Variants in CIPC observed in about 807,000 individuals in gnomAD.
The protein encoded by CIPC is CLOCK-interacting pacemaker.
A neutral mutation model predicts 26.7 loss-of-function variants in CIPC; 12 were observed. The observed-to-expected ratio is 0.45, with a 90% CI of 0.29 to 0.73. The LOEUF is 0.73. Among genes scored for constraint, CIPC ranks in the 30% least tolerant of loss-of-function variants. The probability of loss-of-function intolerance (pLI) is 0.12; values close to 1 mark genes in which losing one functional copy is unlikely to be tolerated. For missense variants in CIPC, 417 were observed against 486.5 expected, an observed-to-expected ratio of 0.86 and a Z score of 1.34; for synonymous variants, 170 against 189.8, an observed-to-expected ratio of 0.90 and a Z score of 0.86.
At position 77,113,631 on chromosome 14, in the gene CIPC, C is replaced by A; in HGVS notation, c.513C>A (p.Gly171=). ...TAGCCCCACATCCAGGCAAAAGGGGCCTTTCCCTTGGCCCAGAAGAAAAAG... is the reference window on the plus strand; with the variant it reads ...TAGCCCCACATCCAGGCAAAAGGGGACTTTCCCTTGGCCCAGAAGAAAAAG... The part of the protein sequence containing the change: ...TKIAPHPGKR[G]LSLGPEEKGT... Residue 171 remains glycine (G), a synonymous_variant, in exon 4 of 4, where the codon GGC becomes GGA. Transcript: ENST00000361786. 1 of 1,614,208 alleles carries A rather than the reference C, an allele frequency of 6.2e-7. No homozygotes were observed.
intron 2 of CIPC, among the ~76,000 whole-genome samples, chr14:77,107,765 T>C (rs988382472): frequency 6.6e-6 from 1 of 152,220 alleles, no homozygotes; most frequent in African/African-American, 2.4e-5. Context: ...TATGTAGTTA[T>C]AATATCATTA....
At chr14:77,099,864 C>A (rs547866401) in intron 1 of CIPC, 75 of 152,230 alleles carry the variant, frequency 4.9e-4, no homozygotes, top group African/African-American at 1.8e-3. Flanking sequence ...AGGGGTAGAT[C>A]AAATATCTGT....
chr14:77,100,240 C>CTTTTT lies in CIPC; in HGVS notation c.-53+1894_-53+1898dup, dbSNP rs57785837. 2.5e-3 allele frequency among the ~76,000 whole-genome samples: 320 copies of CTTTTT among 130,474 alleles called. 3 individuals are homozygous for CTTTTT. Among genetic ancestry groups the CTTTTT allele is most frequent in the East Asian group, 3.1e-3 (14 of 4,562 alleles). The allele number at this position is 130,474 out of a possible 152,430, so 85.6% of individuals were successfully genotyped here. A position where few individuals can be genotyped will look rare whatever the true frequency, so the allele number is the denominator to read the frequency against. On this transcript the variant is annotated intron_variant, in intron 1 of 3. Transcript: ENST00000361786. ...ATTTATTGATTCACTTTCTTTCTTTCTTTTTTTTTTTTTTTTTTTGAGACG... is the reference window on the plus strand; with the variant it reads ...ATTTATTGATTCACTTTCTTTCTTTCTTTTTTTTTTTTTTTTTTTTTTTTGAGACG...
chr14:77,104,147 G>T (rs568359854), intron 1 of CIPC, among the ~76,000 whole-genome samples: 2 of 152,270 alleles, frequency 1.3e-5, no homozygotes, highest in African/African-American at 4.8e-5. Flanking sequence ...AAGGCCCAGA[G>T]CCAAGCCCGT....
At chr14:77,100,240 C>CCT (rs1566803271) in intron 1 of CIPC, among the ~76,000 whole-genome samples, 1 of 130,522 alleles carries the variant, frequency 7.7e-6, no homozygotes, top group Non-Finnish European at 1.6e-5. Context: ...TTCTTTCTTT[C>CCT]TTTTTTTTTT....
In CIPC at chr14:77,113,668, G is replaced by A; in HGVS notation, c.550G>A (p.Val184Met). ...LGPEEKGTSG[V>M]QKKICTERLG... ...CCCAGAAGAAAAAGGAACAAGTGGAGTGCAGAAGAAAATCTGTACTGAGAG... is the reference window on the plus strand; with the variant it reads ...CCCAGAAGAAAAAGGAACAAGTGGAATGCAGAAGAAAATCTGTACTGAGAG... The change falls in exon 4 of 4, where the codon GTG becomes ATG. Residue 184 changes from valine to methionine, a missense_variant. Physicochemically the swap from Val to Met is conservative, Grantham distance 21 (BLOSUM62 1). Coordinates refer to ENST00000361786, the MANE Select transcript of CIPC (RefSeq NM_033426.3). 2 of 1,613,732 alleles carry A rather than the reference G, an allele frequency of 1.2e-6. No individual in the cohort carries two copies. The highest frequency in any genetic ancestry group is 1.7e-6 in the Non-Finnish European group (2 of 1,179,868).
At chr14:77,112,163 C>A (rs999517225) in intron 3 of CIPC, among the ~76,000 whole-genome samples, 3 of 152,280 alleles carry the variant, frequency 2.0e-5, no homozygotes, top group South Asian at 4.1e-4. Context: ...AATCAAATGA[C>A]CCCACCTGAC....
Position 77,114,519 on chromosome 14 carries a change from C to T in CIPC, c.*201C>T. 1.8e-6 allele frequency: 1 copy of T among 567,190 alleles called. No individual in the cohort carries two copies. The allele number at this position is 567,190 out of a possible 1,614,324, so 35.1% of individuals were successfully genotyped here. On this transcript the variant is annotated 3_prime_UTR_variant, in exon 4 of 4. Coordinates refer to ENST00000361786, the MANE Select transcript of CIPC (RefSeq NM_033426.3). ...ACAGGATACATATGTCCCCGTCCCA[C>T]TGAGGACCTCAGTTTGGGAGTGCCC...
At position 77,105,699 on chromosome 14, in the gene CIPC, T is replaced by G. The variant is rs759899870; in HGVS notation, c.-10T>G. The G allele has an allele frequency of 4.3e-6, 7 of 1,612,150 alleles. No individual in the cohort carries two copies. The highest frequency in any genetic ancestry group is 4.0e-5 in the African/African-American group (3 of 74,748). Reference sequence around the variant, plus strand: ...GAGTACCAATGAATCTGCCTCCAGCTGAATAAACCATGGAGAGGAAAAACC... The same window carrying G: ...GAGTACCAATGAATCTGCCTCCAGCGGAATAAACCATGGAGAGGAAAAACC... On this transcript the variant is annotated 5_prime_UTR_variant, in exon 2 of 4. Coordinates refer to ENST00000361786, the MANE Select transcript of CIPC (RefSeq NM_033426.3).
intron 2 of CIPC, among the ~76,000 whole-genome samples, chr14:77,106,420 A>G (rs1215344025): frequency 6.6e-6 from 1 of 152,214 alleles, no homozygotes; most frequent in African/African-American, 2.4e-5. Context: ...AAAATAGAAC[A>G]GTTTTCCTTA....
intron 3 of CIPC, among the ~76,000 whole-genome samples, chr14:77,112,084 CTGAAA>C (rs1197236147): frequency 4.6e-5 from 7 of 152,186 alleles, no homozygotes; most frequent in Non-Finnish European, 8.8e-5. Flanking sequence ...ATCCAAGAAA[CTGAAA>C]TGTGTGCAAA....
intron 2 of CIPC, among the ~76,000 whole-genome samples, chr14:77,107,552 A>C (rs1028409861): frequency 6.6e-6 from 1 of 152,088 alleles, no homozygotes; most frequent in African/African-American, 2.4e-5. Context: ...AAAAATTTCA[A>C]ATCTATACAA....
At position 77,114,330 on chromosome 14, in the gene CIPC, A is replaced by G. The variant is rs372688632; in HGVS notation, c.*12A>G. 4.3e-5 allele frequency: 68 copies of G among 1,575,830 alleles called. No individual in the cohort carries two copies. Among genetic ancestry groups the G allele is most frequent in the Non-Finnish European group, 5.6e-5 (65 of 1,163,480 alleles). On this transcript the variant is annotated 3_prime_UTR_variant, in exon 4 of 4. Transcript: ENST00000361786. The stretch of plus-strand genomic sequence containing the variant: ...ACCCAGCCATATAGCACAGAGGCAT[A>G]TTTTCCTGTTACTTGAGTGGTTCTT...
At chr14:77,100,937 C>T (rs150452013) in intron 1 of CIPC, among the ~76,000 whole-genome samples, 21 of 152,280 alleles carry the variant, frequency 1.4e-4, no homozygotes, top group Middle Eastern at 3.4e-3. Context: ...CAATGTGTTA[C>T]ATATACATGC....
intron 3 of CIPC, 152 bp from the exon 4 acceptor site, chr14:77,113,272 AC>A (rs767386806): frequency 2.9e-5 from 23 of 794,420 alleles, no homozygotes; most frequent in Non-Finnish European, 4.5e-5. Context: ...GATATCAGAC[AC>A]AAATAGATGT....
chr14:77,114,363 A>C lies in CIPC; in HGVS notation c.*45A>C. ...GTTACTTGAGTGGTTCTTTTAGCTC[A>C]TTTGCTGTTACCTACTCCTGTTTCC... On this transcript the variant is annotated 3_prime_UTR_variant, in exon 4 of 4. Transcript: ENST00000361786. 1.9e-5 allele frequency: 29 copies of C among 1,521,616 alleles called. No homozygotes were observed. Among genetic ancestry groups the C allele is most frequent in the Non-Finnish European group, 2.4e-5 (27 of 1,131,262 alleles). 94.3% of individuals were successfully genotyped at this position (1,521,616 alleles called of 1,614,324 possible).
intron 1 of CIPC, among the ~76,000 whole-genome samples, chr14:77,101,941 C>T (rs943691085): frequency 2.6e-5 from 4 of 152,034 alleles, no homozygotes. Flanking sequence ...TAAAAATTAG[C>T]TGGGTGTGGT....
intron 2 of CIPC, 85 bp downstream of exon 2, chr14:77,105,929 A>C: frequency 6.7e-7 from 1 of 1,501,542 alleles, no homozygotes; most frequent in South Asian, 1.2e-5. Context: ...TTATGTGATA[A>C]GGATGGGATG....
At chr14:77,113,370 C>T in intron 3 of CIPC, 55 bp from the exon 4 acceptor site, 2 of 1,596,026 alleles carry the variant, frequency 1.3e-6, no homozygotes, top group Non-Finnish European at 1.7e-6. Context: ...AAGCTTCACT[C>T]CTCTATCCTT....
Sources: allele counts gnomAD v4.1 joint callset (sites outside exome capture counted in the v4.1 genomes callset), GRCh38; gene constraint gnomAD v4.1.1; transcripts MANE v1.5; gene names NCBI Gene and HGNC (gene_info 2026-07-23, HGNC 2026-07-21).